The following NRXN3 variants were observed in gnomAD, a reference collection of about 807,000 sequenced individuals.
The protein encoded by NRXN3 is neurexin 3.
In NRXN3, 32 loss-of-function variants were observed where a neutral mutation model predicts 137.6. The observed-to-expected ratio is 0.23, with a 90% CI of 0.18 to 0.31. The LOEUF is 0.31. Ranked by LOEUF, NRXN3 falls within the 10% of genes least tolerant of loss-of-function variation. The pLI is 1.00. For synonymous variants in NRXN3, 798 were observed against 784.5 expected, an observed-to-expected ratio of 1.02 and a Z score of -0.29; for missense variants, 1,574 against 2,062.5, an observed-to-expected ratio of 0.76 and a Z score of 4.59.
At chr14:78,771,010 C>G (rs2098725939) in intron 8 of NRXN3, among the ~76,000 whole-genome samples, 1 of 152,208 alleles carries the variant, frequency 6.6e-6, no homozygotes, top group Non-Finnish European at 1.5e-5. Flanking sequence ...TAGCAGAAGT[C>G]TCCTGTGGTT....
At chr14:79,549,339 G>A (rs1339552971) in intron 16 of NRXN3, among the ~76,000 whole-genome samples, 2 of 152,056 alleles carry the variant, frequency 1.3e-5, no homozygotes, top group African/African-American at 2.4e-5. Context: ...TGTGATCTTT[G>A]GCAGTTTCTA....
At chr14:79,667,562 C>T (rs1254920692) in intron 17 of NRXN3, among the ~76,000 whole-genome samples, 2 of 151,848 alleles carry the variant, frequency 1.3e-5, no homozygotes, top group East Asian at 3.9e-4. Flanking sequence ...CTTTGTGAAT[C>T]AGGGAAGAAA....
At chr14:79,441,867 C>CAAAA (rs369114218) in intron 15 of NRXN3, among the ~76,000 whole-genome samples, 1 of 146,388 alleles carries the variant, frequency 6.8e-6, no homozygotes, top group East Asian at 2.0e-4. Context: ...AAACAAACGA[C>CAAAA]AAAAAAAAAA....
At chr14:78,388,879 T>C (rs2090360796) in intron 4 of NRXN3, among the ~76,000 whole-genome samples, 1 of 152,078 alleles carries the variant, frequency 6.6e-6, no homozygotes, top group Non-Finnish European at 1.5e-5. Context: ...TTAATTATTA[T>C]TAATATACCA....
At chr14:79,752,596 A>G (rs1359130091) in intron 19 of NRXN3, among the ~76,000 whole-genome samples, 2 of 152,200 alleles carry the variant, frequency 1.3e-5, no homozygotes, top group Admixed American at 6.5e-5. Flanking sequence ...TAAATGTTAG[A>G]CCTAAAACCA....
chr14:78,554,337 G>A (rs10134028), intron 4 of NRXN3, among the ~76,000 whole-genome samples: 13,810 of 152,056 alleles, frequency 0.091, 1,043 homozygotes, highest in African/African-American at 0.21. Context: ...TAGAAGCCTC[G>A]GGCTGGGCTC....
At chr14:78,554,350 C>T (rs1172066887) in intron 4 of NRXN3, among the ~76,000 whole-genome samples, 3 of 152,120 alleles carry the variant, frequency 2.0e-5, no homozygotes, top group African/African-American at 4.8e-5. Context: ...CTGGGCTCCT[C>T]TCCTGGGGTG....
Position 79,190,116 on chromosome 14 carries a change from C to G in NRXN3, c.3262+201975C>G, listed in dbSNP as rs530191107. Among the ~76,000 whole-genome samples, 9 of 152,196 alleles carry G rather than the reference C, an allele frequency of 5.9e-5. No individual in the cohort carries two copies. The South Asian group carries it at 1.9e-3, about 32-fold the overall frequency. ...TTCCCTATAATTTTTAGCCAGCAGT[C>G]CTTTATGGATCAGATATTGCATCAA... On this transcript the variant is annotated intron_variant, in intron 15 of 20. Transcript: ENST00000335750.
Position 78,709,395 on chromosome 14 carries a change from G to C in NRXN3, c.1400G>C (p.Arg467Pro), listed in dbSNP as rs746783604. 1 of 1,614,112 alleles carries C rather than the reference G, an allele frequency of 6.2e-7. No homozygotes were observed. Among genetic ancestry groups the C allele is most frequent in the East Asian group, 2.2e-5 (1 of 44,870 alleles). ...AGCTTGCCCAAGTGGAACACTAAAC[G>C]TATGGGCTCCATCTCCTTTGACTTC... is the stretch of plus-strand genomic sequence containing the variant. Reference protein sequence around the residue: ...YISLPKWNTKRMGSISFDFRT... With the variant: ...YISLPKWNTKPMGSISFDFRT... The change falls in exon 7 of 21, where the codon CGT becomes CCT. Residue 467 changes from arginine to proline, a missense_variant. Transcript: ENST00000335750.
At chr14:79,395,335 T>A (rs1435946935) in intron 15 of NRXN3, among the ~76,000 whole-genome samples, 4 of 152,218 alleles carry the variant, frequency 2.6e-5, no homozygotes, top group Non-Finnish European at 4.4e-5. Flanking sequence ...ACTTCTGCCT[T>A]GCTTGGTATG....
In NRXN3 at chr14:78,311,222, G is replaced by A. The variant is rs563576301; in HGVS notation, c.757+13362G>A. Among the ~76,000 whole-genome samples the A allele has an allele frequency of 9.9e-5, 15 of 152,224 alleles. No homozygotes were observed. In the South Asian group the frequency reaches 1.2e-3, roughly 13 times the overall value. On this transcript the variant is annotated intron_variant, in intron 4 of 20. Transcript: ENST00000335750. ...TCAGAGGCAGTATCTGATTTTGTTC[G>A]TCTTGGTATATCCAGTGCCTGTAAC...
intron 2 of NRXN3, among the ~76,000 whole-genome samples, chr14:78,261,073 TG>T (rs2070628519): frequency 6.6e-6 from 1 of 152,198 alleles, no homozygotes; most frequent in Non-Finnish European, 1.5e-5. Context: ...AGAAAGCATC[TG>T]TCTAAGGAAA....
intron 10 of NRXN3, among the ~76,000 whole-genome samples, chr14:78,854,992 C>T (rs943553903): frequency 2.0e-5 from 3 of 151,818 alleles, no homozygotes; most frequent in Non-Finnish European, 4.4e-5. Context: ...GGTGAAACCC[C>T]GTCTCTACTA....
At chr14:78,546,191 G>A (rs1418585610) in intron 4 of NRXN3, among the ~76,000 whole-genome samples, 2 of 152,184 alleles carry the variant, frequency 1.3e-5, no homozygotes, top group African/African-American at 4.8e-5. Context: ...AGCAATGTAT[G>A]AGCACACCCT....
intron 16 of NRXN3, among the ~76,000 whole-genome samples, chr14:79,626,836 T>C (rs1283245485): frequency 6.6e-6 from 1 of 152,154 alleles, no homozygotes; most frequent in Non-Finnish European, 1.5e-5. Flanking sequence ...ATCCCAATCA[T>C]GTTTAAGGAT....
chr14:79,019,294 A>T (rs1172090412), intron 15 of NRXN3, among the ~76,000 whole-genome samples: 1 of 152,218 alleles, frequency 6.6e-6, no homozygotes, highest in African/African-American at 2.4e-5. Flanking sequence ...GGGCTCCATT[A>T]AAGGCAACTG....
chr14:79,023,362 G>T (rs576433543), intron 15 of NRXN3, among the ~76,000 whole-genome samples: 6 of 152,016 alleles, frequency 3.9e-5, no homozygotes, highest in Non-Finnish European at 8.8e-5. Context: ...GAATGGAAAA[G>T]ACAGGTAATA....
At chr14:78,528,963 G>T (rs1469551724) in intron 4 of NRXN3, among the ~76,000 whole-genome samples, 1 of 152,162 alleles carries the variant, frequency 6.6e-6, no homozygotes, top group East Asian at 1.9e-4. Context: ...ATGCTAGGTT[G>T]TTTACCAGTC....
chr14:79,224,571 A>C (rs756645253), intron 15 of NRXN3, among the ~76,000 whole-genome samples: 3 of 152,140 alleles, frequency 2.0e-5, no homozygotes, highest in Non-Finnish European at 4.4e-5. Context: ...GGACCTATTC[A>C]GAGTTATGAA....
Sources: allele counts gnomAD v4.1 joint callset (sites outside exome capture counted in the v4.1 genomes callset), GRCh38; gene constraint gnomAD v4.1.1; transcripts MANE v1.5; gene names NCBI Gene and HGNC (gene_info 2026-07-23, HGNC 2026-07-21).